Variants in NANS observed in about 807,000 individuals in gnomAD.
NANS encodes the protein N-acetylneuraminate synthase, also known as N-acetylneuraminate-9-phosphate synthase.
Under a neutral mutation model 33.3 loss-of-function variants are expected in NANS, and 29 were observed. The ratio of observed to expected loss-of-function variants is 0.87; its 90% CI spans 0.65 to 1.19. The LOEUF (loss-of-function observed/expected upper bound fraction) is 1.19, where lower values mean the gene tolerates loss of function less well. Ranked by LOEUF, NANS falls within the 50% of genes most tolerant of loss-of-function variation. The pLI, the probability that NANS is intolerant of heterozygous loss-of-function variation, is 0.00. For synonymous variants in NANS, 163 were observed against 177.2 expected (o/e 0.92, Z 0.64); for missense variants, 394 against 461.1 (o/e 0.85, Z 1.33).
rs761597906 is a variant in NANS, at chr9:98,056,929, C to A, written c.121C>A (p.Arg41Ser). The change falls in exon 1 of 6, where the codon CGC (arginine) becomes AGC (serine). Residue 41 changes from arginine to serine, a missense_variant. Physicochemically the swap from Arg to Ser is moderately radical, Grantham distance 110 (BLOSUM62 -1). Transcript: ENST00000210444. ...CCTGGACGTAGCCAAGCGCATGATC[C>A]GCATGGCCAAGGTGAGGCGGCAGCT... is the stretch of plus-strand genomic sequence containing the variant. Reference protein sequence around the residue: ...GDLDVAKRMIRMAKECGADCA... With the variant: ...GDLDVAKRMISMAKECGADCA... 3 of 1,599,750 alleles carry A rather than the reference C, an allele frequency of 1.9e-6. No homozygotes were observed. Among genetic ancestry groups the A allele is most frequent in the Non-Finnish European group, 1.7e-6 (2 of 1,173,594 alleles).
intron 2 of NANS, among the ~76,000 whole-genome samples, chr9:98,070,499 C>A (rs1342938164): frequency 6.6e-6 from 1 of 152,090 alleles, no homozygotes; most frequent in African/African-American, 2.4e-5. Flanking sequence ...TGGCTCACTG[C>A]AACTTCTGCC....
At chr9:98,065,308 CTTTTTTT>C (rs758040892) in intron 2 of NANS, among the ~76,000 whole-genome samples, 72 of 92,764 alleles carry the variant, frequency 7.8e-4, no homozygotes, top group Admixed American at 1.9e-3. Context: ...ACTCCTGGTG[CTTTTTTT>C]TTTTTTTTTT....
intron 2 of NANS, among the ~76,000 whole-genome samples, chr9:98,066,365 G>A (rs1049796804): frequency 1.3e-5 from 2 of 152,134 alleles, no homozygotes; most frequent in African/African-American, 4.8e-5. Flanking sequence ...AGTATATAGT[G>A]GAGTTTTCCA....
chr9:98,075,845 G>A (rs1397778679), intron 2 of NANS: 1 of 152,126 alleles, frequency 6.6e-6, no homozygotes, highest in African/African-American at 2.4e-5. Flanking sequence ...ACACCTTACT[G>A]AAGCTGGAAA....
chr9:98,056,943 G>GA lies in NANS; in HGVS notation c.132+4dup. Reference sequence around the variant, plus strand: ...AGCGCATGATCCGCATGGCCAAGGTGAGGCGGCAGCTCCCGGGACCCGGGA... The same window carrying GA: ...AGCGCATGATCCGCATGGCCAAGGTGAAGGCGGCAGCTCCCGGGACCCGGGA... On this transcript the variant is annotated splice_donor_region_variant and intron_variant, in intron 1 of 5. Coordinates refer to ENST00000210444, the MANE Select transcript of NANS (RefSeq NM_018946.4). 1 of 1,582,956 alleles carries GA rather than the reference G, an allele frequency of 6.3e-7. No homozygotes were observed. Among genetic ancestry groups the GA allele is most frequent in the South Asian group, 1.1e-5 (1 of 88,800 alleles).
intron 2 of NANS, among the ~76,000 whole-genome samples, chr9:98,065,867 C>T (rs1829132651): frequency 6.6e-6 from 1 of 152,106 alleles, no homozygotes; most frequent in South Asian, 2.1e-4. Flanking sequence ...GCTTCTTCCT[C>T]ATTTTCTCTT....
In NANS at chr9:98,081,065, A is replaced by G. The variant is rs1829834631; in HGVS notation, c.853A>G (p.Met285Val). The G allele has an allele frequency of 6.2e-7, 1 of 1,614,090 alleles. No individual in the cohort carries two copies. The highest frequency in any genetic ancestry group is 8.5e-7 in the Non-Finnish European group (1 of 1,180,008). ...AACCAAGCAGCTGCTGCCCTGTGAG[A>G]TGGCCTGCAATGAGAAGGTGTGTCC... ...SPTKQLLPCE[M>V]ACNEKLGKSV... is the part of the protein sequence containing the mutation. Residue 285 changes from methionine to valine, a missense_variant, in exon 5 of 6, where the codon ATG becomes GTG. Physicochemically the swap from Met to Val is conservative, Grantham distance 21 (BLOSUM62 1). Coordinates refer to ENST00000210444, the MANE Select transcript of NANS (RefSeq NM_018946.4).
At chr9:98,071,190 G>A (rs1385500604) in intron 2 of NANS, among the ~76,000 whole-genome samples, 1 of 152,230 alleles carries the variant, frequency 6.6e-6, no homozygotes, top group Non-Finnish European at 1.5e-5. Flanking sequence ...TACCCCAGCT[G>A]TGTGGTGTGT....
chr9:98,060,595 G>A (rs1236037450), intron 1 of NANS, among the ~76,000 whole-genome samples, 187 bp from the exon 2 acceptor site: 1 of 151,016 alleles, frequency 6.6e-6, no homozygotes, highest in Non-Finnish European at 1.5e-5. Flanking sequence ...GCTTGAACCC[G>A]GGAGGCATTG....
At chr9:98,078,481 A>G (rs1829694746) in intron 4 of NANS, 134 bp downstream of exon 4, 1 of 1,202,368 alleles carries the variant, frequency 8.3e-7, no homozygotes, top group East Asian at 2.4e-5. Context: ...TGCTGTTACC[A>G]AATCAAATTC....
At chr9:98,067,720 AC>A (rs1829188643) in intron 2 of NANS, among the ~76,000 whole-genome samples, 1 of 150,232 alleles carries the variant, frequency 6.7e-6, no homozygotes, top group Non-Finnish European at 1.5e-5. Context: ...TGTCTTTTTC[AC>A]TTTCTTTTTT....
chr9:98,081,415 G>C, intron 5 of NANS: 1 of 261,822 alleles, frequency 3.8e-6, no homozygotes, highest in South Asian at 6.6e-5. Flanking sequence ...CCTGGAATAA[G>C]TCAAGTCTGG....
At chr9:98,069,885 G>C (rs1829261463) in intron 2 of NANS, among the ~76,000 whole-genome samples, 1 of 152,098 alleles carries the variant, frequency 6.6e-6, no homozygotes, top group Non-Finnish European at 1.5e-5. Flanking sequence ...TTAAATATAG[G>C]CACACAGAAA....
At chr9:98,057,704 C>T (rs1363572808) in intron 1 of NANS, among the ~76,000 whole-genome samples, 1 of 152,076 alleles carries the variant, frequency 6.6e-6, no homozygotes. Flanking sequence ...ACGACCCCAG[C>T]CCCCAGCATA....
chr9:98,081,066 TGGC>T lies in NANS; in HGVS notation c.855_857del (p.Met285_Ala286delinsIle). On this transcript the variant is annotated inframe_deletion, in exon 5 of 6. Coordinates refer to ENST00000210444, the MANE Select transcript of NANS (RefSeq NM_018946.4). ...ACCAAGCAGCTGCTGCCCTGTGAGA[TGGC>T]CTGCAATGAGAAGGTGTGTCCTGCC... The T allele has an allele frequency of 6.2e-7, 1 of 1,614,182 alleles. No homozygotes were observed. The highest frequency in any genetic ancestry group is 1.1e-5 in the South Asian group (1 of 91,086).
At chr9:98,078,671 T>C (rs1474947744) in intron 4 of NANS, among the ~76,000 whole-genome samples, 1 of 151,584 alleles carries the variant, frequency 6.6e-6, no homozygotes, top group Non-Finnish European at 1.5e-5. Context: ...CCCCTTCTTA[T>C]TAAAAATATA....
chr9:98,078,210 T>G lies in NANS; in HGVS notation c.466T>G (p.Ser156Ala). The G allele has an allele frequency of 2.5e-6, 4 of 1,614,196 alleles. No homozygotes were observed. The highest frequency in any genetic ancestry group is 3.4e-6 in the Non-Finnish European group (4 of 1,180,034). ...TAKKGRPMVI[S>A]SGMQSMDTMK... ...TTACTCAGGTCGCCCAATGGTGATCTCCAGTGGGATGCAGTCAATGGACAC... is the reference window on the plus strand; with the variant it reads ...TTACTCAGGTCGCCCAATGGTGATCGCCAGTGGGATGCAGTCAATGGACAC... Residue 156 changes from serine (S) to alanine (A), a missense_variant, in exon 4 of 6, where the codon TCC (serine) becomes GCC (alanine). By Grantham distance (99) the Ser-to-Ala change is moderately conservative. Transcript: ENST00000210444.
intron 2 of NANS, among the ~76,000 whole-genome samples, chr9:98,066,067 C>T (rs1829138516): frequency 6.6e-6 from 1 of 152,128 alleles, no homozygotes; most frequent in African/African-American, 2.4e-5. Flanking sequence ...GTTTTGTCAT[C>T]CCTCCTCCTC....
Position 98,082,838 on chromosome 9 carries a change from G to C in NANS, c.871-8G>C. 2 of 1,613,446 alleles carry C rather than the reference G, an allele frequency of 1.2e-6. No homozygotes were observed. The highest frequency in any genetic ancestry group is 1.7e-6 in the Non-Finnish European group (2 of 1,179,634). On this transcript the variant is annotated splice_polypyrimidine_tract_variant and splice_region_variant and intron_variant, in intron 5 of 5. Transcript: ENST00000210444. ...GAAGCTGGCACTGAATGTTCATTTTGTCCACAGCTGGGCAAGTCTGTGGTG... is the reference window on the plus strand; with the variant it reads ...GAAGCTGGCACTGAATGTTCATTTTCTCCACAGCTGGGCAAGTCTGTGGTG...
Sources: allele counts gnomAD v4.1 joint callset (sites outside exome capture counted in the v4.1 genomes callset), GRCh38; gene constraint gnomAD v4.1.1; transcripts MANE v1.5; gene names NCBI Gene and HGNC (gene_info 2026-07-23, HGNC 2026-07-21).